Variants in VWA3B observed in about 807,000 individuals in gnomAD.
VWA3B encodes von Willebrand factor A domain containing 3B, also known as von Willebrand factor A domain-containing protein 3B.
Under a neutral mutation model 158.3 loss-of-function variants are expected in VWA3B, and 138 were observed. The ratio of observed to expected loss-of-function variants is 0.87; its 90% confidence interval spans 0.76 to 1.00. The LOEUF (loss-of-function observed/expected upper bound fraction) is 1.00. Among genes scored for constraint, VWA3B ranks in the 50% least tolerant of loss-of-function variants. The pLI is 0.00. For missense variants in VWA3B, 1,555 were observed against 1,565.1 expected (o/e 0.99, Z 0.11); for synonymous variants, 596 against 587.3 (o/e 1.01, Z -0.21).
intron 8 of VWA3B, among the ~76,000 whole-genome samples, chr2:98,168,038 A>G (rs1679242680): frequency 6.6e-6 from 1 of 152,236 alleles, no homozygotes; most frequent in Non-Finnish European, 1.5e-5. Flanking sequence ...TCCAGTACCC[A>G]ACAAGGTCAA....
chr2:98,218,692 G>T (rs190377087), intron 14 of VWA3B, among the ~76,000 whole-genome samples: 1 of 152,306 alleles, frequency 6.6e-6, no homozygotes, highest in East Asian at 1.9e-4. Context: ...CCCTTCTAGG[G>T]TGTGTGTTTT....
intron 14 of VWA3B, among the ~76,000 whole-genome samples, chr2:98,221,977 C>T (rs1319925414): frequency 1.3e-5 from 2 of 152,208 alleles, no homozygotes; most frequent in African/African-American, 2.4e-5. Context: ...CCACGCTCTG[C>T]TTTCCCCCAT....
intron 20 of VWA3B, among the ~76,000 whole-genome samples, chr2:98,252,235 G>A (rs1035109725): frequency 2.6e-5 from 4 of 152,160 alleles, no homozygotes; most frequent in Non-Finnish European, 4.4e-5. Flanking sequence ...CCCAAGGCCA[G>A]GGCTCAGCCA....
intron 23 of VWA3B, chr2:98,290,888 G>T (rs560670039): frequency 2.8e-6 from 1 of 361,298 alleles, no homozygotes; most frequent in South Asian, 3.8e-5. Context: ...CATTTACTGC[G>T]TTGCATGTAT....
chr2:98,207,367 C>T (rs994206130), intron 12 of VWA3B: 5 of 484,774 alleles, frequency 1.0e-5, no homozygotes, highest in Non-Finnish European at 2.1e-5. Context: ...CATCATGGAT[C>T]CCAACATTGT....
intron 2 of VWA3B, among the ~76,000 whole-genome samples, chr2:98,100,083 GCACGT>G: frequency 6.6e-6 from 1 of 152,264 alleles, no homozygotes; most frequent in South Asian, 2.1e-4. Context: ...TCAGTCACTA[GCACGT>G]TACTATGTTC....
At chr2:98,238,408 G>A (rs1685849059) in intron 19 of VWA3B, among the ~76,000 whole-genome samples, 1 of 152,242 alleles carries the variant, frequency 6.6e-6, no homozygotes, top group South Asian at 2.1e-4. Context: ...TCTTGTAGGA[G>A]GTTTGGGGAC....
rs1467356282 is a variant in VWA3B, at chr2:98,312,328, G to T, written c.3864G>T (p.Arg1288Ser). ...CCACCCACAGCAGCAAAGGGCTGAG[G>T]AGCGTCCCTGAGACACTTTAAGGCC... ...LQATHSSKGLRSVPETL is the reference protein window; with the variant it reads ...LQATHSSKGLSSVPETL Residue 1288 changes from arginine to serine, a missense_variant, in exon 28 of 28, where the codon AGG becomes AGT. Physicochemically the swap from Arg to Ser is moderately radical, Grantham distance 110. Transcript: ENST00000477737. 1 of 1,613,124 alleles carries T rather than the reference G, an allele frequency of 6.2e-7. No homozygotes were observed. Among genetic ancestry groups the T allele is most frequent in the East Asian group, 2.2e-5 (1 of 44,848 alleles).
At chr2:98,163,523 A>G (rs896780241) in intron 8 of VWA3B, among the ~76,000 whole-genome samples, 1 of 152,138 alleles carries the variant, frequency 6.6e-6, no homozygotes. Context: ...AGCAATGGAG[A>G]GAGACTCTGT....
At chr2:98,102,127 T>TTACC (rs60609858) in intron 2 of VWA3B, among the ~76,000 whole-genome samples, 31,859 of 151,934 alleles carry the variant, frequency 0.21, 3,472 homozygotes, top group African/African-American at 0.25. Context: ...CATCTTGCAC[T>TTACC]GCCCTTAATC....
chr2:98,215,138 A>G (rs1001583473), intron 13 of VWA3B, among the ~76,000 whole-genome samples: 3 of 152,150 alleles, frequency 2.0e-5, no homozygotes, highest in African/African-American at 7.2e-5. Flanking sequence ...AGAATCAAGG[A>G]TATGGATAAT....
chr2:98,297,992 C>T lies in VWA3B; in HGVS notation c.3243C>T (p.Ile1081=). Residue 1081 remains isoleucine, a synonymous_variant, in exon 24 of 28, where the codon ATC becomes ATT. Transcript: ENST00000477737. ...CCAAGGTCGTGTCCACCTCCTTCAT[C>T]ACGCCTGTGGGGGGCGCCATGCCCT... ...GDTKVVSTSF[I]TPVGGAMPCP... 6.3e-7 allele frequency: 1 copy of T among 1,587,894 alleles called. No individual in the cohort carries two copies. The highest frequency in any genetic ancestry group is 8.6e-7 in the Non-Finnish European group (1 of 1,167,156).
At chr2:98,278,319 A>G (rs1375563493) in intron 22 of VWA3B, among the ~76,000 whole-genome samples, 1 of 152,192 alleles carries the variant, frequency 6.6e-6, no homozygotes, top group Non-Finnish European at 1.5e-5. Flanking sequence ...GCCCCAAGGC[A>G]GCTTCTAGAG....
At chr2:98,111,251 A>G (rs1170205061) in intron 2 of VWA3B, among the ~76,000 whole-genome samples, 1 of 152,170 alleles carries the variant, frequency 6.6e-6, no homozygotes, top group Non-Finnish European at 1.5e-5. Flanking sequence ...AGTTCCATAT[A>G]TGTTGCTGTA....
intron 14 of VWA3B, among the ~76,000 whole-genome samples, chr2:98,218,264 G>T (rs1366371595): frequency 6.6e-6 from 1 of 152,174 alleles, no homozygotes; most frequent in South Asian, 2.1e-4. Context: ...AAAGCAGGTT[G>T]TAGGCATAGA....
intron 4 of VWA3B, 80 bp downstream of exon 4, chr2:98,119,843 A>G (rs1172904125): frequency 1.3e-6 from 2 of 1,540,162 alleles, no homozygotes; most frequent in African/African-American, 2.7e-5. Flanking sequence ...AGCACAGCTG[A>G]CACAGTTAGC....
chr2:98,250,510 A>G, intron 20 of VWA3B, 74 bp downstream of exon 20: 2 of 1,159,266 alleles, frequency 1.7e-6, no homozygotes. Flanking sequence ...CTCTTGTTTT[A>G]GCTTAGCTTT....
intron 12 of VWA3B, among the ~76,000 whole-genome samples, chr2:98,196,913 T>A (rs1200147679): frequency 6.6e-6 from 1 of 152,220 alleles, no homozygotes; most frequent in Non-Finnish European, 1.5e-5. Flanking sequence ...ACCCTTCACC[T>A]AGCTTTCTCC....
At chr2:98,134,262 G>A (rs1039624072) in intron 7 of VWA3B, among the ~76,000 whole-genome samples, 1 of 152,208 alleles carries the variant, frequency 6.6e-6, no homozygotes, top group Non-Finnish European at 1.5e-5. Context: ...GATTAGTTGG[G>A]AGGCTGCAGA....
Sources: allele counts gnomAD v4.1 joint callset (sites outside exome capture counted in the v4.1 genomes callset), GRCh38; gene constraint gnomAD v4.1.1; transcripts MANE v1.5; gene names NCBI Gene and HGNC (gene_info 2026-07-23, HGNC 2026-07-21).